The following SDCCAG8 variants were observed in gnomAD, a reference collection of about 807,000 sequenced individuals.
SDCCAG8 encodes the protein SHH signaling and ciliogenesis regulator SDCCAG8, also known as serologically defined colon cancer antigen 8.
A neutral mutation model predicts 101.8 loss-of-function variants in SDCCAG8; 74 were observed. That is an observed-to-expected ratio of 0.73 (90% confidence interval 0.60 to 0.88). The LOEUF (loss-of-function observed/expected upper bound fraction) is 0.88, where lower values mean the gene tolerates loss of function less well. Among genes scored for constraint, SDCCAG8 ranks in the 40% least tolerant of loss-of-function variants. The probability of loss-of-function intolerance (pLI) is 0.00; values close to 1 mark genes in which losing one functional copy is unlikely to be tolerated. For synonymous variants in SDCCAG8, 281 were observed against 292.9 expected (o/e 0.96, Z 0.41); for missense variants, 787 against 822.6 (o/e 0.96, Z 0.53).
intron 10 of SDCCAG8, among the ~76,000 whole-genome samples, chr1:243,337,450 A>G (rs1308251831): frequency 1.3e-5 from 2 of 152,214 alleles, no homozygotes; most frequent in South Asian, 2.1e-4. Flanking sequence ...ATAAAGATGT[A>G]TGAATAAAGA....
At chr1:243,491,033 G>C (rs1666273576) in intron 17 of SDCCAG8, among the ~76,000 whole-genome samples, 1 of 152,232 alleles carries the variant, frequency 6.6e-6, no homozygotes, top group South Asian at 2.1e-4. Context: ...CTAAAGCCAA[G>C]AACTCTGTCA....
Position 243,418,031 on chromosome 1 carries a change from G to T in SDCCAG8, c.1808G>T (p.Cys603Phe), listed in dbSNP as rs774257632. 1 of 1,613,120 alleles carries T rather than the reference G, an allele frequency of 6.2e-7. No homozygotes were observed. Among genetic ancestry groups the T allele is most frequent in the Non-Finnish European group, 8.5e-7 (1 of 1,179,380 alleles). Residue 603 changes from cysteine (C) to phenylalanine (F), a missense_variant, in exon 15 of 18, where the codon TGC (cysteine) becomes TTC (phenylalanine). Cys to Phe is a radical substitution (Grantham distance 205, BLOSUM62 -2). Coordinates refer to ENST00000366541, the MANE Select transcript of SDCCAG8 (RefSeq NM_006642.5). ...NTFLTKLKEE[C>F]CTLAKKLEQI... Reference sequence around the variant, plus strand: ...TTTTTGACAAAGTTAAAGGAAGAATGCTGTACATTAGCCAAGAAACTGGAA... The same window carrying T: ...TTTTTGACAAAGTTAAAGGAAGAATTCTGTACATTAGCCAAGAAACTGGAA...
intron 12 of SDCCAG8, among the ~76,000 whole-genome samples, chr1:243,360,077 A>G (rs1423492754): frequency 2.0e-5 from 3 of 150,818 alleles, no homozygotes; most frequent in South Asian, 2.1e-4. Context: ...TATCTTCTTC[A>G]CATATATCCA....
At chr1:243,386,901 C>T (rs2078339988) in intron 13 of SDCCAG8, among the ~76,000 whole-genome samples, 1 of 152,182 alleles carries the variant, frequency 6.6e-6, no homozygotes, top group Non-Finnish European at 1.5e-5. Flanking sequence ...CATTATTTGC[C>T]ATTGTCATTT....
chr1:243,274,501 A>C (rs745742205), intron 3 of SDCCAG8, 42 bp from the exon 4 acceptor site: 28 of 1,197,686 alleles, frequency 2.3e-5, no homozygotes, highest in Non-Finnish European at 3.2e-5. Flanking sequence ...GCTTTTTAAA[A>C]TTTATGTATT....
intron 12 of SDCCAG8, among the ~76,000 whole-genome samples, chr1:243,352,773 A>G (rs1274902737): frequency 1.3e-5 from 2 of 152,134 alleles, no homozygotes; most frequent in African/African-American, 4.8e-5. Context: ...TTTACCTTCC[A>G]CTTTTTGTAC....
At chr1:243,467,986 G>A (rs1010156173) in intron 16 of SDCCAG8, among the ~76,000 whole-genome samples, 9 of 152,142 alleles carry the variant, frequency 5.9e-5, no homozygotes, top group Admixed American at 2.0e-4. Context: ...CTTATCAAAT[G>A]CCCAGTAGCT....
intron 17 of SDCCAG8, among the ~76,000 whole-genome samples, chr1:243,495,371 C>G (rs1005376987): frequency 2.6e-5 from 4 of 152,222 alleles, no homozygotes; most frequent in Non-Finnish European, 5.9e-5. Flanking sequence ...GGCCCTGTTC[C>G]TTTCTCGGAG....
rs1240030557 is a variant in SDCCAG8 at position 243,341,283 on chromosome 1, A to T, written c.1356+110A>T. On this transcript the variant is annotated intron_variant, in intron 11 of 17. Transcript: ENST00000366541. ...GTTATCAGGAGGAAGTTTGGAGTAG[A>T]AAAGTTTTGTGATTTCAAGAATAAT... The T allele has an allele frequency of 3.2e-6, 4 of 1,266,804 alleles. No homozygotes were observed. In the East Asian group the frequency reaches 9.8e-5, roughly 31 times the overall value. 78.5% of individuals were successfully genotyped at this position (1,266,804 alleles called of 1,614,324 possible). A position where few individuals can be genotyped will look rare whatever the true frequency, so the allele number is the denominator to read the frequency against.
chr1:243,322,482 C>T (rs2073835972), intron 9 of SDCCAG8, among the ~76,000 whole-genome samples: 1 of 152,196 alleles, frequency 6.6e-6, no homozygotes, highest in Non-Finnish European at 1.5e-5. Context: ...GACTACATGA[C>T]TTGCAATTTT....
chr1:243,481,657 T>G (rs1279127256), intron 16 of SDCCAG8, among the ~76,000 whole-genome samples: 4 of 152,170 alleles, frequency 2.6e-5, no homozygotes, highest in Non-Finnish European at 2.9e-5. Context: ...AGGGAAATAG[T>G]GAGTCTAAGC....
At chr1:243,305,816 T>C (rs1269955779) in intron 7 of SDCCAG8, 2 of 152,152 alleles carry the variant, frequency 1.3e-5, no homozygotes, top group Non-Finnish European at 2.9e-5. Flanking sequence ...CAGCTGATTG[T>C]GGTGGCTTAC....
At chr1:243,331,786 A>C (rs924925379) in intron 10 of SDCCAG8, among the ~76,000 whole-genome samples, 1 of 152,022 alleles carries the variant, frequency 6.6e-6, no homozygotes, top group Non-Finnish European at 1.5e-5. Context: ...TCTCTTATTC[A>C]TTCCACACTC....
At chr1:243,262,536 G>T (rs1268151223) in intron 1 of SDCCAG8, among the ~76,000 whole-genome samples, 2 of 152,188 alleles carry the variant, frequency 1.3e-5, no homozygotes, top group Non-Finnish European at 2.9e-5. Flanking sequence ...TTAGCAACCA[G>T]AAAAGAAATG....
intron 9 of SDCCAG8, among the ~76,000 whole-genome samples, chr1:243,321,811 G>T: frequency 6.6e-6 from 1 of 152,140 alleles, no homozygotes; most frequent in East Asian, 1.9e-4. Flanking sequence ...ATCACGCCTG[G>T]CTAATTTTTG....
At chr1:243,445,408 T>C (rs554397896) in intron 16 of SDCCAG8, among the ~76,000 whole-genome samples, 1 of 152,338 alleles carries the variant, frequency 6.6e-6, no homozygotes, top group Admixed American at 6.5e-5. Flanking sequence ...CAATAACTTA[T>C]ATGCTTCCAG....
intron 6 of SDCCAG8, among the ~76,000 whole-genome samples, chr1:243,298,210 A>G (rs192462349): frequency 6.6e-6 from 1 of 151,948 alleles, no homozygotes; most frequent in Non-Finnish European, 1.5e-5. Context: ...CACCATGCCC[A>G]GCTAATTTTT....
chr1:243,479,398 C>T (rs2994338), intron 16 of SDCCAG8, among the ~76,000 whole-genome samples: 6,291 of 152,230 alleles, frequency 0.041, 461 homozygotes, highest in African/African-American at 0.14. Context: ...TGTTCTCTGT[C>T]GCAGCTACTC....
chr1:243,337,310 A>T lies in SDCCAG8; in HGVS notation c.1222-3729A>T, dbSNP rs114807885. ...TTTTGTCAAGTTTGTCAAAGATCAG[A>T]TGGCTGTATGTGTGTGGCTTTATTT... On this transcript the variant is annotated intron_variant, in intron 10 of 17. Transcript: ENST00000366541. 3.3e-3 allele frequency among the ~76,000 whole-genome samples: 502 copies of T among 152,282 alleles called. 3 individuals carry two copies. The highest frequency in any genetic ancestry group is 0.011 in the African/African-American group (454 of 41,542).
Sources: allele counts gnomAD v4.1 joint callset (sites outside exome capture counted in the v4.1 genomes callset), GRCh38; gene constraint gnomAD v4.1.1; transcripts MANE v1.5; gene names NCBI Gene and HGNC (gene_info 2026-07-23, HGNC 2026-07-21).